NR1D1: variants seen among roughly 807,000 people sequenced by gnomAD.
The protein encoded by NR1D1 is nuclear receptor subfamily 1 group D member 1.
NR1D1 carries 17 observed loss-of-function variants against 51.1 expected under a neutral mutation model. The observed-to-expected ratio is 0.33, with a 90% CI of 0.23 to 0.50. The LOEUF is 0.50. Among genes scored for constraint, NR1D1 ranks in the 20% least tolerant of loss-of-function variants. The pLI is 0.98. For missense variants in NR1D1, 647 were observed against 830.4 expected, an observed-to-expected ratio of 0.78 and a Z score of 2.71; for synonymous variants, 341 against 333.4, an observed-to-expected ratio of 1.02 and a Z score of -0.25.
Position 40,096,068 on chromosome 17 carries a change from G to T in NR1D1, c.624C>A (p.Ile208=). Residue 208 remains isoleucine, a synonymous_variant, in exon 5 of 8, where the codon ATC becomes ATA. Transcript: ENST00000246672. ...MSRDAVRFGR[I]PKREKQRMLA... ...GCATCCGCTGCTTCTCTCGTTTGGG[G>T]ATGCGCCCAAAACGCACAGCTGCAA... The T allele has an allele frequency of 6.2e-7, 1 of 1,612,670 alleles. No homozygotes were observed. Among genetic ancestry groups the T allele is most frequent in the Non-Finnish European group, 8.5e-7 (1 of 1,179,936 alleles).
At chr17:40,095,377 A>T in intron 5 of NR1D1, 67 bp downstream of exon 5, 1 of 1,504,524 alleles carries the variant, frequency 6.6e-7, no homozygotes, top group Non-Finnish European at 8.9e-7. Context: ...CAGCTGCCCT[A>T]CACTAAGTCC....
intron 6 of NR1D1, 71 bp from the exon 7 acceptor site, chr17:40,094,193 G>A: frequency 2.1e-6 from 3 of 1,433,692 alleles, no homozygotes; most frequent in Non-Finnish European, 2.9e-6. Context: ...CCTGTAGTTT[G>A]CCAGAGGGTT....
Position 40,100,336 on chromosome 17 carries a change from G to A in NR1D1, c.-242C>T, listed in dbSNP as rs200296104. 7.4e-5 allele frequency: 45 copies of A among 608,074 alleles called. No individual in the cohort carries two copies. In the African/African-American group the frequency reaches 7.4e-4, roughly 10 times the overall value. 37.7% of individuals were successfully genotyped at this position (608,074 alleles called of 1,614,324 possible). On this transcript the variant is annotated 5_prime_UTR_variant, in exon 1 of 8. Coordinates refer to ENST00000246672, the MANE Select transcript of NR1D1 (RefSeq NM_021724.5). ...TGGGAAGAGCAGAGAGAGTGTGTAGGGGGAATCAGCCTGCAGTAGTTCTGG... is the reference window on the plus strand; with the variant it reads ...TGGGAAGAGCAGAGAGAGTGTGTAGAGGGAATCAGCCTGCAGTAGTTCTGG...
chr17:40,096,107 G>GC lies in NR1D1; in HGVS notation c.605-21dup. The GC allele has an allele frequency of 2.5e-6, 4 of 1,606,882 alleles. No homozygotes were observed. The highest frequency in any genetic ancestry group is 3.4e-6 in the Non-Finnish European group (4 of 1,176,408). On this transcript the variant is annotated intron_variant, in intron 4 of 7. Transcript: ENST00000246672. ...GCACAGCTGCAACAGGATGAGAACAGCATCAGGAAGTTCTCAACCATGCTC... is the reference window on the plus strand; with the variant it reads ...GCACAGCTGCAACAGGATGAGAACAGCCATCAGGAAGTTCTCAACCATGCTC...
In NR1D1 at chr17:40,095,959, G is replaced by T; in HGVS notation, c.733C>A (p.Pro245Thr). 6.2e-7 allele frequency: 1 copy of T among 1,611,936 alleles called. No homozygotes were observed. The highest frequency in any genetic ancestry group is 8.5e-7 in the Non-Finnish European group (1 of 1,179,746). The change falls in exon 5 of 8, where the codon CCC (proline) becomes ACC (threonine). Residue 245 changes from proline (P) to threonine (T), a missense_variant. Physicochemically the swap from Pro to Thr is conservative, Grantham distance 38. Transcript: ENST00000246672. ...GAGGGGCCCATGGGGCCTGGGGTGG[G>T]GTGCTGGGTGGGTGAAGTCTCCAGC... The part of the protein sequence containing the change: ...CPLETSPTQH[P>T]TPGPMGPSPP...
chr17:40,095,745 G>A lies in NR1D1; in HGVS notation c.947C>T (p.Ala316Val). ...KLGSSPGNFN[A>V]NHASGSPPAT... ...TGGAGGGCTACCTGATGCATGGTTG[G>A]CATTGAAGTTGCCAGGTGAGCTGCC... Residue 316 changes from alanine to valine, a missense_variant, in exon 5 of 8, where the codon GCC becomes GTC. Ala to Val is a moderately conservative substitution (Grantham distance 64). This residue lies in a region of NR1D1 where 185 missense variants were observed against 176.3 expected (regional missense o/e 1.05). Transcript: ENST00000246672. 1 of 1,614,140 alleles carries A rather than the reference G, an allele frequency of 6.2e-7. No individual in the cohort carries two copies. The highest frequency in any genetic ancestry group is 1.6e-4 in the Middle Eastern group (1 of 6,062).
Position 40,095,661 on chromosome 17 carries a change from T to C in NR1D1, c.1031A>G (p.Asn344Ser). 1 of 1,611,968 alleles carries C rather than the reference T, an allele frequency of 6.2e-7. No individual in the cohort carries two copies. The highest frequency in any genetic ancestry group is 8.5e-7 in the Non-Finnish European group (1 of 1,178,592). Reference protein sequence around the residue: ...QGCPPAPNDNNTLAAQRHNEA... With the variant: ...QGCPPAPNDNSTLAAQRHNEA... ...GTTATGACGCTGGGCAGCCAAGGTG[T>C]TGTTGTCATTGGGGGCAGGTGGGCA... is the stretch of plus-strand genomic sequence containing the variant. Residue 344 changes from asparagine (N) to serine (S), a missense_variant, in exon 5 of 8, where the codon AAC (asparagine) becomes AGC (serine). Asn to Ser is a conservative substitution (Grantham distance 46). This residue lies in a region of NR1D1 where 185 missense variants were observed against 176.3 expected (regional missense o/e 1.05). Coordinates refer to ENST00000246672, the MANE Select transcript of NR1D1 (RefSeq NM_021724.5).
At chr17:40,094,470 G>C (rs954977427) in intron 6 of NR1D1, among the ~76,000 whole-genome samples, 1 of 152,244 alleles carries the variant, frequency 6.6e-6, no homozygotes, top group Non-Finnish European at 1.5e-5. Flanking sequence ...CAGCCATCAA[G>C]AGGAAGCAGC....
chr17:40,092,979 AAAT>A lies in NR1D1; in HGVS notation c.*101_*103del. Reference sequence around the variant, plus strand: ...ATCTTGGAATATTTTATAACAATATAAATAAGATTCTGGTTTGCTTTTCCTTTT... The same window carrying A: ...ATCTTGGAATATTTTATAACAATATAAAGATTCTGGTTTGCTTTTCCTTTT... On this transcript the variant is annotated 3_prime_UTR_variant, in exon 8 of 8. Coordinates refer to ENST00000246672, the MANE Select transcript of NR1D1 (RefSeq NM_021724.5). The A allele has an allele frequency of 6.3e-7, 1 of 1,592,882 alleles. No individual in the cohort carries two copies. The highest frequency in any genetic ancestry group is 2.2e-5 in the East Asian group (1 of 44,490).
intron 1 of NR1D1, among the ~76,000 whole-genome samples, chr17:40,099,852 G>A (rs1987842231): frequency 6.6e-6 from 1 of 152,042 alleles, no homozygotes; most frequent in Admixed American, 6.6e-5. Flanking sequence ...GGAGCTTTGG[G>A]ACTCTGAGGG....
chr17:40,094,090 G>T lies in NR1D1; in HGVS notation c.1467C>A (p.Asn489Lys), dbSNP rs201251615. 6.2e-7 allele frequency: 1 copy of T among 1,614,002 alleles called. No homozygotes were observed. The highest frequency in any genetic ancestry group is 1.1e-5 in the South Asian group (1 of 91,082). ...VLMVRFASLFNVKDQTVMFLS... is the reference protein window; with the variant it reads ...VLMVRFASLFKVKDQTVMFLS... ...GGAACATCACTGTCTGGTCCTTCAC[G>T]TTGAACAACGAAGCAAAGCGCACCA... The change falls in exon 7 of 8, where the codon AAC (asparagine) becomes AAA (lysine). Residue 489 changes from asparagine (N) to lysine (K), a missense_variant. Asn to Lys is a moderately conservative substitution (Grantham distance 94). This residue lies in a region of NR1D1 where 155 missense variants were observed against 236.8 expected (regional missense o/e 0.65). Transcript: ENST00000246672.
Position 40,096,028 on chromosome 17 carries a change from T to C in NR1D1, c.664A>G (p.Ser222Gly), listed in dbSNP as rs1336816831. ...TGGTTGTTGGCCAGGTTCATGGCAC[T>C]CTGCATCTCAGCAAGCATCCGCTGC... ...EKQRMLAEMQ[S>G]AMNLANNQLS... is the part of the protein sequence containing the mutation. Residue 222 changes from serine to glycine, a missense_variant, in exon 5 of 8, where the codon AGT becomes GGT. Physicochemically the swap from Ser to Gly is moderately conservative, Grantham distance 56. This residue lies in a region of NR1D1 where 70 missense variants were observed against 134.8 expected (regional missense o/e 0.52). Transcript: ENST00000246672. 6.2e-7 allele frequency: 1 copy of C among 1,612,762 alleles called. No homozygotes were observed. The highest frequency in any genetic ancestry group is 1.3e-5 in the African/African-American group (1 of 75,008).
intron 4 of NR1D1, 32 bp downstream of exon 4, chr17:40,096,411 G>T (rs1567660395): frequency 6.2e-7 from 1 of 1,613,490 alleles, no homozygotes; most frequent in East Asian, 2.2e-5. Flanking sequence ...TTGGGCGGAA[G>T]AAGGGGGGAG....
rs760392842 is a variant in NR1D1, at chr17:40,093,413, A to T, written c.1646-131T>A. ...CCCAGAAGGCCGATGGGGAAGGAGA[A>T]GGAGTGCCATACCTTCTCCCAGGCC... On this transcript the variant is annotated intron_variant, in intron 7 of 7. Transcript: ENST00000246672. The surrounding 1 kb of genome is among the most constrained non-coding windows in gnomAD (Gnocchi z 5.9). The T allele has an allele frequency of 4.4e-6, 7 of 1,596,554 alleles. No homozygotes were observed. Among genetic ancestry groups the T allele is most frequent in the Middle Eastern group, 2.1e-4 (1 of 4,776 alleles).
chr17:40,094,844 G>A, intron 6 of NR1D1, 91 bp downstream of exon 6: 4 of 1,221,802 alleles, frequency 3.3e-6, no homozygotes, highest in Non-Finnish European at 4.6e-6. Flanking sequence ...GTTGCAGTGA[G>A]TGGAGATCGC....
At chr17:40,097,737 C>T (rs1294752063) in intron 1 of NR1D1, among the ~76,000 whole-genome samples, 1 of 152,140 alleles carries the variant, frequency 6.6e-6, no homozygotes, top group Non-Finnish European at 1.5e-5. Context: ...AGTTGAAGAT[C>T]TGGGGATGGG....
chr17:40,099,774 C>G (rs879454020), intron 1 of NR1D1, among the ~76,000 whole-genome samples: 16 of 152,116 alleles, frequency 1.1e-4, no homozygotes, highest in Admixed American at 1.0e-3. Context: ...CCCAGTCCCC[C>G]TAAATTCTTC....
chr17:40,094,135 G>A lies in NR1D1; in HGVS notation c.1435-13C>T, dbSNP rs1987696093. Reference sequence around the variant, plus strand: ...GCACCATCAGCACCTAGGAGGGAAGGGGAACAGTCATCCTGGGTGTGGTGG... The same window carrying A: ...GCACCATCAGCACCTAGGAGGGAAGAGGAACAGTCATCCTGGGTGTGGTGG... On this transcript the variant is annotated splice_polypyrimidine_tract_variant and intron_variant, in intron 6 of 7. Transcript: ENST00000246672. The A allele has an allele frequency of 3.7e-6, 6 of 1,612,722 alleles. No homozygotes were observed. The highest frequency in any genetic ancestry group is 5.1e-6 in the Non-Finnish European group (6 of 1,179,020).
chr17:40,094,875 G>T lies in NR1D1; in HGVS notation c.1434+60C>A, dbSNP rs1247978151. The T allele has an allele frequency of 3.9e-6, 6 of 1,548,330 alleles. No individual in the cohort carries two copies. In the South Asian group the frequency reaches 7.0e-5, roughly 18 times the overall value. On this transcript the variant is annotated intron_variant, in intron 6 of 7. Coordinates refer to ENST00000246672, the MANE Select transcript of NR1D1 (RefSeq NM_021724.5). ...ATCGCACCATTGCACTCCAGCCTGG[G>T]CGACAAGCGAAACTCTGTCTCAAAA... is the stretch of plus-strand genomic sequence containing the variant.
Sources: allele counts gnomAD v4.1 joint callset (sites outside exome capture counted in the v4.1 genomes callset), GRCh38; gene constraint gnomAD v4.1.1; regional missense constraint gnomAD v4.1.1; non-coding constraint Gnocchi (gnomAD v3.1); transcripts MANE v1.5; gene names NCBI Gene and HGNC (gene_info 2026-07-23, HGNC 2026-07-21).